ZRANB3: variants seen among roughly 807,000 people sequenced by gnomAD.
ZRANB3 encodes the protein DNA annealing helicase and endonuclease ZRANB3.
ZRANB3 carries 125 observed loss-of-function variants against 133.8 expected under a neutral mutation model. The observed-to-expected ratio is 0.93, with a 90% CI of 0.81 to 1.08. The LOEUF is 1.08. Among genes scored for constraint, ZRANB3 ranks in the 50% least tolerant of loss-of-function variants. ZRANB3 has a pLI of 0.00. For missense variants in ZRANB3, 1,229 were observed against 1,275.5 expected, an observed-to-expected ratio of 0.96 and a Z score of 0.56; for synonymous variants, 387 against 432.7, an observed-to-expected ratio of 0.89 and a Z score of 1.31.
Position 135,354,343 on chromosome 2 carries a change from A to G in ZRANB3, c.181-715T>C, listed in dbSNP as rs1229850468. On this transcript the variant is annotated intron_variant, in intron 3 of 20. Transcript: ENST00000264159. ...CAAGCAGACATAGAGAAGTTAAATT[A>G]TTTAAATCACAGCTGGCTGATGCAA... Among the ~76,000 whole-genome samples the G allele has an allele frequency of 4.6e-5, 7 of 152,334 alleles. No homozygotes were observed. In the East Asian group the frequency reaches 7.7e-4, roughly 17 times the overall value.
intron 2 of ZRANB3, among the ~76,000 whole-genome samples, chr2:135,423,398 T>C (rs1352822247): frequency 6.6e-6 from 1 of 152,182 alleles, no homozygotes; most frequent in African/African-American, 2.4e-5. Flanking sequence ...GCCACTGCAC[T>C]CTAGCCTGGC....
rs369466816 is a variant in ZRANB3, at chr2:135,364,234, T to G, written c.181-10606A>C. ...AATAACTACTATAATGATTAAACTT[T>G]GGGAAAAAAATCTTAGCTTTGCCTA... On this transcript the variant is annotated intron_variant, in intron 3 of 20. Coordinates refer to ENST00000264159, the MANE Select transcript of ZRANB3 (RefSeq NM_032143.4). 7.9e-5 allele frequency among the ~76,000 whole-genome samples: 12 copies of G among 152,230 alleles called. No homozygotes were observed. In the South Asian group the frequency reaches 2.5e-3, roughly 32 times the overall value.
chr2:135,411,972 C>T (rs1688321855), intron 2 of ZRANB3, among the ~76,000 whole-genome samples: 1 of 152,150 alleles, frequency 6.6e-6, no homozygotes, highest in Non-Finnish European at 1.5e-5. Context: ...TATACCATAA[C>T]ATCAGTAACA....
intron 1 of ZRANB3, among the ~76,000 whole-genome samples, chr2:135,529,373 A>T (rs1694300307): frequency 6.6e-6 from 1 of 152,218 alleles, no homozygotes; most frequent in African/African-American, 2.4e-5. Flanking sequence ...AAGGAGGCAT[A>T]AATCAGGGCC....
intron 2 of ZRANB3, among the ~76,000 whole-genome samples, chr2:135,470,819 T>TG (rs1291986501): frequency 6.7e-6 from 1 of 148,948 alleles, no homozygotes; most frequent in Non-Finnish European, 1.5e-5. Flanking sequence ...TTTTTTTTTT[T>TG]GAGATGGAGT....
Position 135,335,062 on chromosome 2 carries a change from A to G in ZRANB3, c.677+10488T>C, listed in dbSNP as rs75759724. Among the ~76,000 whole-genome samples the G allele has an allele frequency of 7.1e-3, 1,079 of 152,166 alleles. 11 individuals are homozygous for G. The highest frequency in any genetic ancestry group is 0.024 in the African/African-American group (1,010 of 41,518). ...GTATTAAGCCCCGTATGCATTAGCT[A>G]TTTATCCTGATGCTCTCCCTTGAGA... On this transcript the variant is annotated intron_variant, in intron 6 of 20. Coordinates refer to ENST00000264159, the MANE Select transcript of ZRANB3 (RefSeq NM_032143.4).
chr2:135,518,132 T>TA (rs1693777453), intron 1 of ZRANB3, among the ~76,000 whole-genome samples: 1 of 152,132 alleles, frequency 6.6e-6, no homozygotes, highest in Non-Finnish European at 1.5e-5. Context: ...CCGTCCCAGA[T>TA]AGACTTCAGA....
chr2:135,494,101 GA>G, intron 2 of ZRANB3, among the ~76,000 whole-genome samples: 1 of 140,938 alleles, frequency 7.1e-6, no homozygotes, highest in Non-Finnish European at 1.5e-5. Context: ...GATAGAAATA[GA>G]AAGGAGGGAG....
At chr2:135,267,851 G>A (rs1313972793) in intron 11 of ZRANB3, among the ~76,000 whole-genome samples, 1 of 152,100 alleles carries the variant, frequency 6.6e-6, no homozygotes, top group Non-Finnish European at 1.5e-5. Flanking sequence ...TCCCAATGTT[G>A]ATGGTGTTCG....
rs960235956 is a variant in ZRANB3, at chr2:135,507,313, T to C, written c.-7-2817A>G. ...AAGAAGTGGAAATGTTGGGTATGCTTGAAAATATATGAGTCTGAAGTTCCT... is the reference window on the plus strand; with the variant it reads ...AAGAAGTGGAAATGTTGGGTATGCTCGAAAATATATGAGTCTGAAGTTCCT... On this transcript the variant is annotated intron_variant, in intron 1 of 20. Coordinates refer to ENST00000264159, the MANE Select transcript of ZRANB3 (RefSeq NM_032143.4). Among the ~76,000 whole-genome samples, 3 of 152,132 alleles carry C rather than the reference T, an allele frequency of 2.0e-5. No homozygotes were observed. The South Asian group carries it at 6.2e-4, about 32-fold the overall frequency.
At chr2:135,381,076 G>A (rs1686668425) in intron 3 of ZRANB3, among the ~76,000 whole-genome samples, 1 of 152,180 alleles carries the variant, frequency 6.6e-6, no homozygotes, top group Admixed American at 6.5e-5. Flanking sequence ...GGAAGCGTAA[G>A]GGATCAGGGA....
intron 2 of ZRANB3, among the ~76,000 whole-genome samples, chr2:135,483,944 A>G (rs1691969859): frequency 6.6e-6 from 1 of 152,146 alleles, no homozygotes; most frequent in Non-Finnish European, 1.5e-5. Context: ...CTTAATCCTG[A>G]GTTCTAGTTT....
intron 2 of ZRANB3, among the ~76,000 whole-genome samples, chr2:135,395,172 T>A (rs566235424): frequency 6.6e-6 from 1 of 151,944 alleles, no homozygotes; most frequent in South Asian, 2.1e-4. Context: ...AGGAACAGAA[T>A]AGAGAACCGA....
intron 12 of ZRANB3, among the ~76,000 whole-genome samples, chr2:135,239,049 A>G (rs553043974): frequency 2.0e-5 from 3 of 152,334 alleles, no homozygotes; most frequent in Non-Finnish European, 4.4e-5. Context: ...TTGTCTTAAG[A>G]CACTAAGTTT....
chr2:135,414,673 A>G (rs1191370446), intron 2 of ZRANB3, among the ~76,000 whole-genome samples: 1 of 152,050 alleles, frequency 6.6e-6, no homozygotes, highest in Non-Finnish European at 1.5e-5. Flanking sequence ...ACCACACCAC[A>G]CCTATTCCAA....
At chr2:135,527,362 C>T (rs1694205876) in intron 1 of ZRANB3, among the ~76,000 whole-genome samples, 1 of 152,030 alleles carries the variant, frequency 6.6e-6, no homozygotes. Flanking sequence ...AGTTCGAGAC[C>T]AGCCTGGGCA....
At chr2:135,279,319 A>G (rs1467803676) in intron 8 of ZRANB3, among the ~76,000 whole-genome samples, 1 of 152,224 alleles carries the variant, frequency 6.6e-6, no homozygotes, top group Non-Finnish European at 1.5e-5. Flanking sequence ...TAAGTTTTCT[A>G]AACCACAGAA....
rs1031073877 is a variant in ZRANB3 at position 135,233,855 on chromosome 2, A to G, written c.1540-2928T>C. On this transcript the variant is annotated intron_variant, in intron 12 of 20. Coordinates refer to ENST00000264159, the MANE Select transcript of ZRANB3 (RefSeq NM_032143.4). Reference sequence around the variant, plus strand: ...TGCAAAAACATGCCAAATTGTAAAGACCATCGAGGCTAGGAAGAAACTGCA... The same window carrying G: ...TGCAAAAACATGCCAAATTGTAAAGGCCATCGAGGCTAGGAAGAAACTGCA... 4.8e-4 allele frequency among the ~76,000 whole-genome samples: 73 copies of G among 152,352 alleles called. 3 individuals are homozygous for G. Among genetic ancestry groups the G allele is most frequent in the South Asian group, 2.3e-3 (11 of 4,832 alleles).
At chr2:135,299,350 C>T (rs1228362654) in intron 8 of ZRANB3, among the ~76,000 whole-genome samples, 2 of 152,208 alleles carry the variant, frequency 1.3e-5, no homozygotes, top group Non-Finnish European at 2.9e-5. Flanking sequence ...CTCACTCCCA[C>T]TGTGCTCCAC....
Sources: allele counts gnomAD v4.1 joint callset (sites outside exome capture counted in the v4.1 genomes callset), GRCh38; gene constraint gnomAD v4.1.1; transcripts MANE v1.5; gene names NCBI Gene and HGNC (gene_info 2026-07-23, HGNC 2026-07-21).